The following RNF141 variants were observed in gnomAD, a reference collection of about 807,000 sequenced individuals.
RNF141 encodes C3HC4-like zinc finger protein.
A neutral mutation model predicts 27.4 loss-of-function variants in RNF141; 18 were observed. The observed-to-expected ratio is 0.66, with a 90% CI of 0.45 to 0.97. The LOEUF (loss-of-function observed/expected upper bound fraction) is 0.97. Ranked by LOEUF, RNF141 falls within the 50% of genes least tolerant of loss-of-function variation. The pLI is 0.00. For missense variants in RNF141, 230 were observed against 279.4 expected (o/e 0.82, Z 1.26); for synonymous variants, 97 against 96.6 (o/e 1.00, Z -0.02).
At chr11:10,515,907 T>C (rs1409297135) in intron 5 of RNF141, 1 of 152,222 alleles carries the variant, frequency 6.6e-6, no homozygotes, top group Non-Finnish European at 1.5e-5. Flanking sequence ...ATATGATCAC[T>C]TAAATAAGAT....
chr11:10,537,370 G>T (rs1022003629), intron 1 of RNF141, among the ~76,000 whole-genome samples: 1 of 152,134 alleles, frequency 6.6e-6, no homozygotes, highest in Non-Finnish European at 1.5e-5. Flanking sequence ...CCAATTTAAT[G>T]AAAATGTAAT....
chr11:10,530,483 C>G (rs759889086), intron 3 of RNF141, among the ~76,000 whole-genome samples, 160 bp downstream of exon 3: 2 of 152,232 alleles, frequency 1.3e-5, no homozygotes, highest in Non-Finnish European at 2.9e-5. Context: ...CTGTAAGATT[C>G]AAACAGCTAG....
At chr11:10,521,514 G>A (rs1472985192) in intron 4 of RNF141, among the ~76,000 whole-genome samples, 1 of 152,138 alleles carries the variant, frequency 6.6e-6, no homozygotes, top group East Asian at 1.9e-4. Context: ...AACTTCTTAA[G>A]GATAGGAGCT....
At chr11:10,539,544 C>CA (rs1226561277) in intron 1 of RNF141, among the ~76,000 whole-genome samples, 2 of 149,742 alleles carry the variant, frequency 1.3e-5, no homozygotes, top group Non-Finnish European at 3.0e-5. Flanking sequence ...ATTGTTTACT[C>CA]AAACTGTAGA....
In RNF141 at chr11:10,532,537, A is replaced by ACACACC. The variant is rs777997279; in HGVS notation, c.143+1478_143+1479insGGTGTG. 1.5e-3 allele frequency among the ~76,000 whole-genome samples: 145 copies of ACACACC among 95,070 alleles called. 1 individual carries two copies. In the East Asian group the frequency reaches 0.02, roughly 13 times the overall value. The allele number at this position is 95,070 out of a possible 152,430, so 62.4% of individuals were successfully genotyped here. On this transcript the variant is annotated intron_variant, in intron 2 of 5. Transcript: ENST00000265981. The stretch of plus-strand genomic sequence containing the variant: ...CACACACACACACACACACACACAC[A>ACACACC]CCCCACAACTATATACAGCTTTTTG...
chr11:10,535,057 T>C (rs1190129223), intron 1 of RNF141, among the ~76,000 whole-genome samples: 2 of 149,116 alleles, frequency 1.3e-5, no homozygotes, highest in African/African-American at 4.9e-5. Context: ...CAAAATCAGA[T>C]GCCCCCCCAA....
chr11:10,526,627 C>CA (rs1381078553), intron 3 of RNF141, among the ~76,000 whole-genome samples: 5 of 151,924 alleles, frequency 3.3e-5, no homozygotes, highest in Middle Eastern at 6.8e-3. Flanking sequence ...ACTAAAAGTA[C>CA]AAAAAATTAG....
chr11:10,531,034 A>G (rs1012387084), intron 2 of RNF141, among the ~76,000 whole-genome samples: 4 of 152,148 alleles, frequency 2.6e-5, no homozygotes, highest in African/African-American at 4.8e-5. Context: ...TGGTCTTTAA[A>G]TTTCTAACAA....
Position 10,514,998 on chromosome 11 carries a change from A to G in RNF141, c.611T>C (p.Val204Ala). ...QMTGANESWV[V>A]SDAPTEDDMA... Reference sequence around the variant, plus strand: ...ATCATCTTCAGTGGGTGCATCTGATACCACCCAAGATTCATTTGCTCCAGT... The same window carrying G: ...ATCATCTTCAGTGGGTGCATCTGATGCCACCCAAGATTCATTTGCTCCAGT... Residue 204 changes from valine (V) to alanine (A), a missense_variant, in exon 6 of 6, where the codon GTA becomes GCA. Transcript: ENST00000265981. The G allele has an allele frequency of 1.1e-5, 18 of 1,613,842 alleles. No homozygotes were observed. Among genetic ancestry groups the G allele is most frequent in the Non-Finnish European group, 1.5e-5 (18 of 1,179,756 alleles).
At chr11:10,527,168 A>G (rs149989723) in intron 3 of RNF141, among the ~76,000 whole-genome samples, 189 of 152,358 alleles carry the variant, frequency 1.2e-3, no homozygotes, top group African/African-American at 4.2e-3. Context: ...TATTGGTACT[A>G]TGTGCACTGC....
intron 4 of RNF141, among the ~76,000 whole-genome samples, chr11:10,524,380 G>A (rs1031573599): frequency 2.6e-5 from 4 of 151,880 alleles, no homozygotes; most frequent in African/African-American, 4.8e-5. Context: ...GCGCCTGGGC[G>A]ACAGAGCAAG....
At chr11:10,526,695 A>G (rs1849938736) in intron 3 of RNF141, among the ~76,000 whole-genome samples, 1 of 151,970 alleles carries the variant, frequency 6.6e-6, no homozygotes. Context: ...AGGCAGGAGA[A>G]TCACTTGAAC....
Position 10,525,208 on chromosome 11 carries a change from T to G in RNF141, c.418A>C (p.Ser140Arg). The G allele has an allele frequency of 6.2e-7, 1 of 1,604,816 alleles. No individual in the cohort carries two copies. Among genetic ancestry groups the G allele is most frequent in the South Asian group, 1.1e-5 (1 of 88,912 alleles). Residue 140 changes from serine to arginine, a missense_variant, in exon 4 of 6, where the codon AGT becomes CGT. Transcript: ENST00000265981. ...ATTATATACCTTCCCATCCAAAGAC[T>G]AGCCTGACAAGATGTTACAGAGGAT... Reference protein sequence around the residue: ...NSSSVTSCQASLWMGRVKQLT... With the variant: ...NSSSVTSCQARLWMGRVKQLT...
At chr11:10,527,549 G>A (rs929553170) in intron 3 of RNF141, among the ~76,000 whole-genome samples, 7 of 152,166 alleles carry the variant, frequency 4.6e-5, no homozygotes, top group African/African-American at 1.2e-4. Flanking sequence ...ACAGAGGAAG[G>A]AGTGGTAGAT....
At chr11:10,520,675 T>C (rs946547115) in intron 4 of RNF141, among the ~76,000 whole-genome samples, 4 of 152,230 alleles carry the variant, frequency 2.6e-5, no homozygotes, top group African/African-American at 9.6e-5. Flanking sequence ...AGTATTACTG[T>C]ACATAATTGT....
intron 5 of RNF141, chr11:10,515,354 T>C (rs1849835072): frequency 1.6e-5 from 5 of 309,114 alleles, no homozygotes; most frequent in Admixed American, 5.1e-5. Flanking sequence ...CAATATATCT[T>C]ACAGACTAGT....
intron 1 of RNF141, among the ~76,000 whole-genome samples, chr11:10,535,406 TAATA>T (rs1850025563): frequency 7.3e-6 from 1 of 136,570 alleles, no homozygotes; most frequent in Non-Finnish European, 1.6e-5. Flanking sequence ...TACTTGGTAA[TAATA>T]AATATCACAT....
intron 1 of RNF141, among the ~76,000 whole-genome samples, chr11:10,538,650 T>C (rs924146353): frequency 5.3e-5 from 8 of 152,258 alleles, no homozygotes; most frequent in African/African-American, 1.9e-4. Context: ...ACTGAATAAA[T>C]GCAGTAAATA....
intron 4 of RNF141, among the ~76,000 whole-genome samples, chr11:10,520,824 T>C (rs1050501346): frequency 1.2e-4 from 19 of 152,202 alleles, no homozygotes; most frequent in Admixed American, 1.1e-3. Context: ...TTTAGCTCCA[T>C]TATAATCTTG....
Sources: allele counts gnomAD v4.1 joint callset (sites outside exome capture counted in the v4.1 genomes callset), GRCh38; gene constraint gnomAD v4.1.1; transcripts MANE v1.5; gene names NCBI Gene and HGNC (gene_info 2026-07-23, HGNC 2026-07-21).